Variants in SLC44A5 observed in about 807,000 individuals in gnomAD.
SLC44A5 encodes choline transporter-like protein 5.
Under a neutral mutation model 101.8 loss-of-function variants are expected in SLC44A5, and 57 were observed. That is an observed-to-expected ratio of 0.56 (90% CI 0.45 to 0.70). The LOEUF is 0.70. Among genes scored for constraint, SLC44A5 ranks in the 30% least tolerant of loss-of-function variants. The probability of loss-of-function intolerance (pLI) is 0.00; values close to 1 mark genes in which losing one functional copy is unlikely to be tolerated. For synonymous variants in SLC44A5, 281 were observed against 290.9 expected (o/e 0.97, Z 0.35); for missense variants, 737 against 853.1 (o/e 0.86, Z 1.70).
chr1:75,477,263 T>A (rs1667479622), intron 2 of SLC44A5, among the ~76,000 whole-genome samples: 1 of 152,044 alleles, frequency 6.6e-6, no homozygotes, highest in Non-Finnish European at 1.5e-5. Context: ...TACATTACCA[T>A]CATCAAAGAC....
At chr1:75,288,192 T>G (rs1653233204) in intron 5 of SLC44A5, among the ~76,000 whole-genome samples, 2 of 152,220 alleles carry the variant, frequency 1.3e-5, no homozygotes, top group African/African-American at 4.8e-5. Context: ...AAACATCTTT[T>G]CTATTTAATT....
intron 3 of SLC44A5, among the ~76,000 whole-genome samples, chr1:75,358,396 CAA>C (rs1032763813): frequency 6.6e-6 from 1 of 152,034 alleles, no homozygotes. Context: ...GTATGTTAGT[CAA>C]AGTTTTGCAT....
intron 7 of SLC44A5, among the ~76,000 whole-genome samples, chr1:75,247,664 CAG>C (rs1649225925): frequency 6.6e-6 from 1 of 151,922 alleles, no homozygotes; most frequent in South Asian, 2.1e-4. Context: ...AGGGAGTAGA[CAG>C]AGAGTTGGGA....
At chr1:75,454,616 A>C (rs1666086717) in intron 2 of SLC44A5, among the ~76,000 whole-genome samples, 3 of 152,092 alleles carry the variant, frequency 2.0e-5, no homozygotes, top group African/African-American at 4.8e-5. Flanking sequence ...CCCCACAGAT[A>C]ATATAATTCT....
At chr1:75,491,606 G>A (rs1428022495) in intron 2 of SLC44A5, among the ~76,000 whole-genome samples, 1 of 152,008 alleles carries the variant, frequency 6.6e-6, no homozygotes, top group Non-Finnish European at 1.5e-5. Flanking sequence ...GAGCTTCCTG[G>A]CTCATGATGC....
At chr1:75,452,869 T>C (rs571807904) in intron 2 of SLC44A5, among the ~76,000 whole-genome samples, 5 of 152,094 alleles carry the variant, frequency 3.3e-5, no homozygotes, top group Non-Finnish European at 5.9e-5. Flanking sequence ...GCACCCAAGA[T>C]TGGAGCACAC....
intron 2 of SLC44A5, among the ~76,000 whole-genome samples, chr1:75,489,935 G>A (rs978868180): frequency 2.0e-5 from 3 of 151,622 alleles, no homozygotes; most frequent in Non-Finnish European, 2.9e-5. Context: ...AAAAACAAGA[G>A]GTGATATTAT....
chr1:75,614,926 A>T (rs1319242027), upstream of SLC44A5, among the ~76,000 whole-genome samples: 4 of 151,954 alleles, frequency 2.6e-5, no homozygotes, highest in Non-Finnish European at 5.9e-5. Flanking sequence ...TAGGGAGCCG[A>T]CAAGCTGCGA....
the SLC44A5 span, among the ~76,000 whole-genome samples, chr1:75,695,648 T>C: frequency 2.0e-5 from 3 of 150,470 alleles, no homozygotes; most frequent in Non-Finnish European, 3.0e-5. Flanking sequence ...AAATAAGGTA[T>C]GTTGTCAGCA....
At chr1:75,441,533 C>G (rs1369176196) in intron 2 of SLC44A5, among the ~76,000 whole-genome samples, 1 of 150,368 alleles carries the variant, frequency 6.7e-6, no homozygotes, top group Non-Finnish European at 1.5e-5. Flanking sequence ...GGTGAAAAAA[C>G]AGTATATAAC....
intron 4 of SLC44A5, among the ~76,000 whole-genome samples, chr1:75,325,762 G>A (rs1248411245): frequency 4.7e-3 from 7 of 1,476 alleles, no homozygotes; most frequent in Non-Finnish European, 0.011. Context: ...ATGCATGCGT[G>A]TGTGTGTGTG....
chr1:75,362,416 G>T (rs922098757), intron 3 of SLC44A5, among the ~76,000 whole-genome samples: 2 of 151,646 alleles, frequency 1.3e-5, no homozygotes, highest in East Asian at 3.9e-4. Flanking sequence ...TTGGATATAG[G>T]CATTTATTGC....
intron 2 of SLC44A5, among the ~76,000 whole-genome samples, chr1:75,444,358 G>A (rs149813867): frequency 1.4e-5 from 1 of 70,014 alleles, no homozygotes. Flanking sequence ...GGAAGGAAGG[G>A]AGGGAGGGAG....
intron 3 of SLC44A5, among the ~76,000 whole-genome samples, chr1:75,348,386 C>T (rs1249845): frequency 0.47 from 71,568 of 151,878 alleles, 18,492 homozygotes; most frequent in Non-Finnish European, 0.6. Flanking sequence ...AAGACATAAC[C>T]TAGAGGCTGT....
intron 1 of SLC44A5, among the ~76,000 whole-genome samples, chr1:75,603,899 A>T (rs1382586385): frequency 6.6e-6 from 1 of 151,666 alleles, no homozygotes; most frequent in Non-Finnish European, 1.5e-5. Context: ...AGTTCCTTAT[A>T]GATTCTAGAT....
In SLC44A5 at chr1:75,247,024, A is replaced by C. The variant is rs538157330; in HGVS notation, c.346-4013T>G. Among the ~76,000 whole-genome samples the C allele has an allele frequency of 5.3e-5, 8 of 152,162 alleles. No individual in the cohort carries two copies. The East Asian group carries it at 1.6e-3, about 29-fold the overall frequency. ...GGAAGCTATTGGGGCATTTAAGCAA[A>C]GAAGAGACATAATCAGACTTATATT... On this transcript the variant is annotated intron_variant, in intron 7 of 23. Coordinates refer to ENST00000370859, the MANE Select transcript of SLC44A5 (RefSeq NM_001130058.2).
intron 1 of SLC44A5, among the ~76,000 whole-genome samples, chr1:75,609,792 G>C (rs1321296871): frequency 1.3e-5 from 2 of 151,980 alleles, no homozygotes; most frequent in African/African-American, 4.8e-5. Context: ...TCATGATAGA[G>C]GTGCAAAAAT....
the SLC44A5 span, among the ~76,000 whole-genome samples, chr1:75,684,576 C>G: frequency 6.6e-6 from 1 of 152,152 alleles, no homozygotes; most frequent in South Asian, 2.1e-4. Context: ...GAGCTACAGG[C>G]CCCATGCAAG....
At chr1:75,263,921 G>A (rs1184984933) in intron 6 of SLC44A5, among the ~76,000 whole-genome samples, 3 of 152,098 alleles carry the variant, frequency 2.0e-5, no homozygotes, top group African/African-American at 2.4e-5. Flanking sequence ...ATAAGTGGGA[G>A]TTGAACAATG....
Sources: gnomAD v4.1 joint callset for allele counts (sites outside exome capture counted in the v4.1 genomes callset) on GRCh38, gnomAD v4.1.1 for gene constraint, MANE v1.5 for transcripts, NCBI Gene and HGNC (gene_info 2026-07-23, HGNC 2026-07-21) for gene names.